The following NTNG1 variants were observed in gnomAD, a reference collection of about 807,000 sequenced individuals.
The protein encoded by NTNG1 is netrin-G1.
A neutral mutation model predicts 54.0 loss-of-function variants in NTNG1; 16 were observed. That is an observed-to-expected ratio of 0.30 (90% CI 0.20 to 0.45). The LOEUF is 0.45. Ranked by LOEUF, NTNG1 falls within the 20% of genes least tolerant of loss-of-function variation. The pLI is 1.00. For missense variants in NTNG1, 530 were observed against 678.7 expected, an observed-to-expected ratio of 0.78 and a Z score of 2.43; for synonymous variants, 255 against 263.1, an observed-to-expected ratio of 0.97 and a Z score of 0.30.
chr1:107,277,062 A>C (rs1664526277), intron 2 of NTNG1, among the ~76,000 whole-genome samples: 1 of 148,372 alleles, frequency 6.7e-6, no homozygotes, highest in African/African-American at 2.6e-5. Flanking sequence ...GAAGGAATGA[A>C]GGTTAGATAT....
intron 2 of NTNG1, among the ~76,000 whole-genome samples, chr1:107,181,396 G>A (rs1657053068): frequency 6.6e-6 from 1 of 152,156 alleles, no homozygotes. Flanking sequence ...TAGAGGAATT[G>A]AGTACCTTTT....
intron 5 of NTNG1, among the ~76,000 whole-genome samples, chr1:107,428,595 G>A (rs1215281916): frequency 6.6e-6 from 1 of 152,082 alleles, no homozygotes; most frequent in East Asian, 1.9e-4. Flanking sequence ...CCCAGGGGCA[G>A]GGCTGTTATT....
chr1:107,406,570 G>A lies in NTNG1; in HGVS notation c.1061-1112G>A, dbSNP rs181965461. Reference sequence around the variant, plus strand: ...CGGTATAAAGCAGAATTCTCACTGAGTTCTGTCTGCTTTCCATCGCATGCT... The same window carrying A: ...CGGTATAAAGCAGAATTCTCACTGAATTCTGTCTGCTTTCCATCGCATGCT... On this transcript the variant is annotated intron_variant, in intron 4 of 7. Coordinates refer to ENST00000370068, the MANE Select transcript of NTNG1 (RefSeq NM_001113226.3). 1.5e-3 allele frequency among the ~76,000 whole-genome samples: 230 copies of A among 152,230 alleles called. 1 individual carries two copies. Among genetic ancestry groups the A allele is most frequent in the African/African-American group, 5.0e-3 (208 of 41,562 alleles).
At chr1:107,271,230 G>A (rs1254233074) in intron 2 of NTNG1, among the ~76,000 whole-genome samples, 1 of 151,956 alleles carries the variant, frequency 6.6e-6, no homozygotes, top group Admixed American at 6.6e-5. Context: ...CTAAGTTTTA[G>A]GGTACATGTG....
intron 7 of NTNG1, among the ~76,000 whole-genome samples, chr1:107,469,097 CA>C (rs35394442): frequency 0.11 from 12,377 of 115,516 alleles, 635 homozygotes; most frequent in Non-Finnish European, 0.15. Context: ...AACTCCATTT[CA>C]AAAAAAAAAA....
intron 3 of NTNG1, among the ~76,000 whole-genome samples, chr1:107,368,901 T>C (rs961634631): frequency 1.3e-5 from 2 of 152,236 alleles, no homozygotes; most frequent in African/African-American, 4.8e-5. Context: ...GACTTATGTA[T>C]ACATCCGTGA....
At chr1:107,313,866 C>A (rs1424653677) in intron 2 of NTNG1, among the ~76,000 whole-genome samples, 3 of 152,054 alleles carry the variant, frequency 2.0e-5, no homozygotes, top group Non-Finnish European at 4.4e-5. Flanking sequence ...ATCTGCTCCT[C>A]TCATGTTATT....
At chr1:107,362,355 C>G (rs1670352000) in intron 3 of NTNG1, among the ~76,000 whole-genome samples, 1 of 152,160 alleles carries the variant, frequency 6.6e-6, no homozygotes, top group South Asian at 2.1e-4. Flanking sequence ...CTTTGTAATA[C>G]TACCACTTGA....
At chr1:107,238,891 C>A (rs765258767) in intron 2 of NTNG1, among the ~76,000 whole-genome samples, 1 of 150,474 alleles carries the variant, frequency 6.6e-6, no homozygotes, top group Non-Finnish European at 1.5e-5. Flanking sequence ...CTGGCATTGT[C>A]TTGTATTAAG....
At chr1:107,198,032 A>G (rs1658468940) in intron 2 of NTNG1, among the ~76,000 whole-genome samples, 6 of 152,034 alleles carry the variant, frequency 3.9e-5, no homozygotes, top group Admixed American at 2.0e-4. Context: ...TGTAACTTTC[A>G]TCACTACAGC....
chr1:107,399,313 C>A (rs770205697), intron 4 of NTNG1, among the ~76,000 whole-genome samples: 1 of 152,116 alleles, frequency 6.6e-6, no homozygotes, highest in Non-Finnish European at 1.5e-5. Flanking sequence ...TGGAGATAGA[C>A]AGAAAACTGA....
At chr1:107,282,084 A>G (rs923277716) in intron 2 of NTNG1, among the ~76,000 whole-genome samples, 2 of 152,126 alleles carry the variant, frequency 1.3e-5, no homozygotes, top group East Asian at 3.9e-4. Flanking sequence ...TCATTTACAG[A>G]TACGATGCTT....
intron 5 of NTNG1, among the ~76,000 whole-genome samples, chr1:107,424,343 G>A (rs583155): frequency 0.028 from 4,266 of 152,178 alleles, 113 homozygotes; most frequent in African/African-American, 0.066. Context: ...TAGGAGGTGA[G>A]TGCTAGCAAT....
At chr1:107,203,554 G>T (rs1658925351) in intron 2 of NTNG1, among the ~76,000 whole-genome samples, 1 of 141,384 alleles carries the variant, frequency 7.1e-6, no homozygotes, top group South Asian at 2.4e-4. Context: ...TTCTTATAGA[G>T]TTATTCATAT....
chr1:107,395,501 A>T (rs778313687), intron 4 of NTNG1, 175 bp downstream of exon 4: 2 of 760,278 alleles, frequency 2.6e-6, no homozygotes, highest in East Asian at 2.5e-5. Context: ...TAGCACTCTG[A>T]TCATCAGTAA....
chr1:107,256,456 C>T (rs1462975620), intron 2 of NTNG1, among the ~76,000 whole-genome samples: 1 of 152,206 alleles, frequency 6.6e-6, no homozygotes, highest in Non-Finnish European at 1.5e-5. Context: ...GATGGCATAA[C>T]TCCTGTTTTC....
In NTNG1 at chr1:107,430,738, C is replaced by G; in HGVS notation, c.1088-12C>G. 2 of 1,612,914 alleles carry G rather than the reference C, an allele frequency of 1.2e-6. No individual in the cohort carries two copies. Among genetic ancestry groups the G allele is most frequent in the Admixed American group, 3.3e-5 (2 of 59,882 alleles). ...TATACACTCTGTATACATTTCTGTT[C>G]TTCCTTGCAAGATTGTGAATGCTTC... On this transcript the variant is annotated splice_polypyrimidine_tract_variant and intron_variant, in intron 5 of 7. Coordinates refer to ENST00000370068, the MANE Select transcript of NTNG1 (RefSeq NM_001113226.3).
intron 2 of NTNG1, among the ~76,000 whole-genome samples, chr1:107,255,876 C>T (rs1662900736): frequency 6.6e-6 from 1 of 152,134 alleles, no homozygotes; most frequent in South Asian, 2.1e-4. Context: ...TCTTTTACAA[C>T]TAAAACCTAT....
At chr1:107,473,061 C>T (rs930842444) in intron 7 of NTNG1, among the ~76,000 whole-genome samples, 8 of 152,080 alleles carry the variant, frequency 5.3e-5, no homozygotes, top group Admixed American at 1.3e-4. Context: ...TTGAAAAGGA[C>T]GGGAACAATT....
Sources: allele counts gnomAD v4.1 joint callset (sites outside exome capture counted in the v4.1 genomes callset), GRCh38; gene constraint gnomAD v4.1.1; transcripts MANE v1.5; gene names NCBI Gene and HGNC (gene_info 2026-07-23, HGNC 2026-07-21).